Variants in PAOX observed in about 807,000 individuals in gnomAD.
The protein encoded by PAOX is polyamine oxidase.
In PAOX, 38 loss-of-function variants were observed where a neutral mutation model predicts 39.0. That is an observed-to-expected ratio of 0.97 (90% CI 0.75 to 1.28). The LOEUF (loss-of-function observed/expected upper bound fraction) is 1.28, where lower values mean the gene tolerates loss of function less well. Ranked by LOEUF, PAOX falls within the 50% of genes most tolerant of loss-of-function variation. PAOX has a pLI of 0.00. For missense variants in PAOX, 667 were observed against 685.7 expected (o/e 0.97, Z 0.30); for synonymous variants, 311 against 314.4 (o/e 0.99, Z 0.11).
chr10:133,387,874 C>G (rs1014878647), intron 4 of PAOX, among the ~76,000 whole-genome samples: 1 of 152,196 alleles, frequency 6.6e-6, no homozygotes, highest in Non-Finnish European at 1.5e-5. Flanking sequence ...GTGCCCGCCA[C>G]CACGCCTGGC....
intron 4 of PAOX, among the ~76,000 whole-genome samples, chr10:133,386,468 AAGG>A (rs1474249909): frequency 6.6e-6 from 1 of 152,118 alleles, no homozygotes; most frequent in Non-Finnish European, 1.5e-5. Context: ...TGGTTGGAAG[AAGG>A]AGTGATATTT....
chr10:133,388,971 C>T lies in PAOX; in HGVS notation c.1137C>T (p.Leu379=). 6.2e-7 allele frequency: 1 copy of T among 1,612,404 alleles called. No individual in the cohort carries two copies. Among genetic ancestry groups the T allele is most frequent in the East Asian group, 2.2e-5 (1 of 44,850 alleles). The change falls in exon 5 of 7, where the codon CTC becomes CTT. Residue 379 remains leucine, a synonymous_variant. Coordinates refer to ENST00000278060, the MANE Select transcript of PAOX (RefSeq NM_152911.4). ...CTCCATGCAGGTCTGTCCACGTTCT[C>T]TGTGGGTTCATTGCCGGACTTGAGT... ...VLPAFASVHV[L]CGFIAGLESE... is the part of the protein sequence containing the mutation.
chr10:133,389,074 T>A lies in PAOX; in HGVS notation c.1234+6T>A. 4 of 1,592,418 alleles carry A rather than the reference T, an allele frequency of 2.5e-6. No homozygotes were observed. Among genetic ancestry groups the A allele is most frequent in the Non-Finnish European group, 3.4e-6 (4 of 1,160,318 alleles). On this transcript the variant is annotated splice_donor_region_variant and intron_variant, in intron 5 of 6. Transcript: ENST00000278060. ...AGTGCTCCGGAGAGTGACAGGTAGG[T>A]ACTCACCACACACGCTGGTTCCTGC... is the stretch of plus-strand genomic sequence containing the variant.
chr10:133,384,301 G>C lies in PAOX; in HGVS notation c.1121+89G>C, dbSNP rs753093390. On this transcript the variant is annotated intron_variant, in intron 4 of 6. Coordinates refer to ENST00000278060, the MANE Select transcript of PAOX (RefSeq NM_152911.4). This position sits in a 1 kb window ranked among gnomAD's most constrained non-coding sequence, Gnocchi z 4.3. ...CGCAGCAGTGTGTCTGTTCACTGCA[G>C]GGTATTTCTAGGGGGTTTAATGGGT... 2.5e-5 allele frequency: 38 copies of C among 1,540,366 alleles called. No individual in the cohort carries two copies. Among genetic ancestry groups the C allele is most frequent in the Non-Finnish European group, 2.9e-5 (33 of 1,138,630 alleles).
intron 4 of PAOX, 83 bp from the exon 5 acceptor site, chr10:133,388,872 CT>C (rs921321279): frequency 6.3e-5 from 44 of 699,314 alleles, no homozygotes; most frequent in East Asian, 2.5e-4. Flanking sequence ...CCAGGGCTCT[CT>C]TTCTCCATGC....
intron 4 of PAOX, among the ~76,000 whole-genome samples, chr10:133,388,650 G>T (rs893287334): frequency 6.6e-6 from 1 of 152,222 alleles, no homozygotes; most frequent in African/African-American, 2.4e-5. Context: ...AGATGGCTGT[G>T]ACCTTGAGGG....
rs761153396 is a variant in PAOX at position 133,384,070 on chromosome 10, T to G, written c.979T>G (p.Phe327Val). Reference protein sequence around the residue: ...FGTNNKIFLEFEEPFWEPDCQ... With the variant: ...FGTNNKIFLEVEEPFWEPDCQ... ...GACCAACAACAAAATCTTCCTGGAG[T>G]TTGAGGAGCCCTTCTGGGAGCCAGA... is the stretch of plus-strand genomic sequence containing the variant. The change falls in exon 4 of 7, where the codon TTT (phenylalanine) becomes GTT (valine). Residue 327 changes from phenylalanine to valine, a missense_variant. Coordinates refer to ENST00000278060, the MANE Select transcript of PAOX (RefSeq NM_152911.4). The surrounding 1 kb of genome is among the most constrained non-coding windows in gnomAD (Gnocchi z 4.3). The G allele has an allele frequency of 1.2e-6, 2 of 1,613,904 alleles. No homozygotes were observed. Among genetic ancestry groups the G allele is most frequent in the Non-Finnish European group, 1.7e-6 (2 of 1,179,954 alleles).
chr10:133,387,628 C>G (rs1849560878), intron 4 of PAOX, among the ~76,000 whole-genome samples: 1 of 152,254 alleles, frequency 6.6e-6, no homozygotes, highest in Non-Finnish European at 1.5e-5. Context: ...CGCACCAGCC[C>G]CGCCTGGAAT....
intron 5 of PAOX, 59 bp from the exon 6 acceptor site, chr10:133,389,531 A>C: frequency 6.2e-7 from 1 of 1,604,018 alleles, no homozygotes; most frequent in South Asian, 1.1e-5. Flanking sequence ...AATGACAAAA[A>C]CAGTTGCAGA....
intron 3 of PAOX, among the ~76,000 whole-genome samples, chr10:133,383,496 G>T (rs1849449862): frequency 6.6e-6 from 1 of 151,390 alleles, no homozygotes; most frequent in Non-Finnish European, 1.5e-5. Flanking sequence ...CCAGCTATTT[G>T]GGAAGCTGAG....
At position 133,379,307 on chromosome 10, in the gene PAOX, G is replaced by A. The variant is rs1049460248; in HGVS notation, c.-10G>A. 2.5e-6 allele frequency: 3 copies of A among 1,214,134 alleles called. No homozygotes were observed. Among genetic ancestry groups the A allele is most frequent in the Non-Finnish European group, 3.1e-6 (3 of 977,192 alleles). 75.2% of individuals were successfully genotyped at this position (1,214,134 alleles called of 1,614,324 possible). On this transcript the variant is annotated 5_prime_UTR_variant, in exon 1 of 7. Coordinates refer to ENST00000278060, the MANE Select transcript of PAOX (RefSeq NM_152911.4). ...CTACTCAGAAGCCCTCGGACTGCCCGGACCGCGCGATGGAGTCGACCGGCA... is the reference window on the plus strand; with the variant it reads ...CTACTCAGAAGCCCTCGGACTGCCCAGACCGCGCGATGGAGTCGACCGGCA...
intron 5 of PAOX, among the ~76,000 whole-genome samples, 156 bp from the exon 6 acceptor site, chr10:133,389,434 C>T (rs1008314460): frequency 3.9e-5 from 6 of 152,282 alleles, no homozygotes; most frequent in African/African-American, 7.2e-5. Context: ...GGGTCAGAGG[C>T]GGCAGGAAGA....
intron 1 of PAOX, 99 bp downstream of exon 1, chr10:133,379,596 C>T: frequency 1.0e-6 from 1 of 976,670 alleles, no homozygotes; most frequent in Non-Finnish European, 1.3e-6. Flanking sequence ...GCCCGGCCGC[C>T]TCACCGGGCT....
In PAOX at chr10:133,379,424, C is replaced by A. The variant is rs1015400718; in HGVS notation, c.108C>A (p.Ser36=). 2.5e-6 allele frequency: 3 copies of A among 1,224,418 alleles called. No homozygotes were observed. Among genetic ancestry groups the A allele is most frequent in the East Asian group, 6.4e-5 (2 of 31,074 alleles). 75.8% of individuals were successfully genotyped at this position (1,224,418 alleles called of 1,614,324 possible). ...LGAAQRLCGH[S]AFPHLRVLEA... ...CGGCGCAGAGGCTCTGCGGCCACTC[C>A]GCCTTCCCGCACCTGCGGGTCCTGG... Residue 36 remains serine, a synonymous_variant, in exon 1 of 7, where the codon TCC becomes TCA. Transcript: ENST00000278060.
intron 4 of PAOX, among the ~76,000 whole-genome samples, chr10:133,385,862 C>G (rs1001002699): frequency 1.3e-5 from 2 of 151,978 alleles, no homozygotes; most frequent in Non-Finnish European, 2.9e-5. Flanking sequence ...GGATTACAGG[C>G]ATGAGCCACC....
chr10:133,391,214 C>A, intron 6 of PAOX, 98 bp from the exon 7 acceptor site: 1 of 1,265,250 alleles, frequency 7.9e-7, no homozygotes, highest in Non-Finnish European at 1.1e-6. Context: ...TGTTTTCCTG[C>A]TTCTTGGTGG....
chr10:133,390,858 T>G (rs1849656707), intron 6 of PAOX: 1 of 626,456 alleles, frequency 1.6e-6, no homozygotes, highest in East Asian at 2.8e-5. Context: ...ATCCAGGAGT[T>G]GAGGCCAGAT....
At chr10:133,389,490 A>G (rs1292931186) in intron 5 of PAOX, 100 bp from the exon 6 acceptor site, 1 of 1,516,984 alleles carries the variant, frequency 6.6e-7, no homozygotes, top group Admixed American at 1.7e-5. Flanking sequence ...CCTGCATAGC[A>G]TCTTTCACGT....
rs1389368966 is a variant in PAOX at position 133,391,357 on chromosome 10, T to A, written c.1438T>A (p.Ser480Thr). ...AGEATHRTFY[S>T]TTHGALLSGW... ...GGAAGCCACACATCGCACGTTTTAC[T>A]CCACGACGCACGGGGCTCTGCTGTC... The change falls in exon 7 of 7, where the codon TCC (serine) becomes ACC (threonine). Residue 480 changes from serine (S) to threonine (T), a missense_variant. Transcript: ENST00000278060. The A allele has an allele frequency of 5.6e-6, 9 of 1,613,494 alleles. No homozygotes were observed. In the South Asian group the frequency reaches 9.9e-5, roughly 18 times the overall value.
Sources: gnomAD v4.1 joint callset for allele counts (sites outside exome capture counted in the v4.1 genomes callset) on GRCh38, gnomAD v4.1.1 for gene constraint, Gnocchi (gnomAD v3.1) non-coding constraint, MANE v1.5 for transcripts, NCBI Gene and HGNC (gene_info 2026-07-23, HGNC 2026-07-21) for gene names.